The following ZNF215 variants were observed in gnomAD, a reference collection of about 807,000 sequenced individuals.
ZNF215 encodes BWSCR2-associated zinc finger protein 2.
Under a neutral mutation model 27.2 loss-of-function variants are expected in ZNF215, and 24 were observed. The observed-to-expected ratio is 0.88, with a 90% CI of 0.64 to 1.24. The LOEUF (loss-of-function observed/expected upper bound fraction) is 1.24. Among genes scored for constraint, ZNF215 ranks in the 50% most tolerant of loss-of-function variants. The pLI is 0.00. For synonymous variants in ZNF215, 210 were observed against 204.0 expected (o/e 1.03, Z -0.25); for missense variants, 675 against 605.7 (o/e 1.11, Z -1.20).
At chr11:6,939,665 T>C (rs547440830) in intron 3 of ZNF215, among the ~76,000 whole-genome samples, 2 of 152,106 alleles carry the variant, frequency 1.3e-5, no homozygotes, top group Non-Finnish European at 1.5e-5. Flanking sequence ...AGAATGTATA[T>C]AGATTTTTCT....
downstream of ZNF215, among the ~76,000 whole-genome samples, chr11:6,989,946 A>T (rs1040461400): frequency 6.6e-6 from 1 of 152,222 alleles, no homozygotes. Flanking sequence ...ACTGCATGTC[A>T]TAACCCAGGA....
At chr11:6,988,387 C>A, downstream of ZNF215, 1 of 368,284 alleles carries the variant, frequency 2.7e-6, no homozygotes. Flanking sequence ...CTGTGATCAG[C>A]CTCCTTTACT....
At chr11:6,986,312 A>G (rs1455734576), downstream of ZNF215, among the ~76,000 whole-genome samples, 2 of 152,198 alleles carry the variant, frequency 1.3e-5, no homozygotes, top group Non-Finnish European at 2.9e-5. Context: ...ATGCTGGGAT[A>G]ACTGGCTAGT....
chr11:6,984,062 G>A, intron 5 of ZNF215: 1 of 380,884 alleles, frequency 2.6e-6, no homozygotes, highest in Non-Finnish European at 5.0e-6. Context: ...ATCTTTGGGG[G>A]TATGAAGTGG....
chr11:6,980,082 A>G (rs889461468), intron 5 of ZNF215, among the ~76,000 whole-genome samples: 1 of 152,130 alleles, frequency 6.6e-6, no homozygotes, highest in African/African-American at 2.4e-5. Context: ...GTTCAGGATC[A>G]TATTATTTTG....
chr11:6,975,265 T>C (rs1283813561), intron 5 of ZNF215, among the ~76,000 whole-genome samples: 1 of 151,784 alleles, frequency 6.6e-6, no homozygotes, highest in Non-Finnish European at 1.5e-5. Context: ...TTTTTGTGGG[T>C]ACATAGTAGG....
chr11:6,935,446 G>T (rs1195069306), intron 3 of ZNF215, among the ~76,000 whole-genome samples: 1 of 152,152 alleles, frequency 6.6e-6, no homozygotes, highest in South Asian at 2.1e-4. Context: ...GGTATCACAA[G>T]CTGACCAGTA....
At chr11:6,953,390 G>T (rs920845367) in intron 6 of ZNF215, among the ~76,000 whole-genome samples, 1 of 152,160 alleles carries the variant, frequency 6.6e-6, no homozygotes, top group African/African-American at 2.4e-5. Context: ...CGTAGATTTG[G>T]TCTCTTCACA....
At position 6,940,711 on chromosome 11, in the gene ZNF215, T is replaced by C. The variant is rs182230065; in HGVS notation, c.401-860T>C. Among the ~76,000 whole-genome samples, 524 of 152,306 alleles carry C rather than the reference T, an allele frequency of 3.4e-3. 4 individuals are homozygous for C. The highest frequency in any genetic ancestry group is 3.1e-3 in the Non-Finnish European group (208 of 68,020). ...CTGATTATGATGTAACTGCATGGTTTTAAGATTTTTGGGGGGTTTCAAAGC... is the reference window on the plus strand; with the variant it reads ...CTGATTATGATGTAACTGCATGGTTCTAAGATTTTTGGGGGGTTTCAAAGC... On this transcript the variant is annotated intron_variant, in intron 3 of 6. Transcript: ENST00000278319.
intron 6 of ZNF215, among the ~76,000 whole-genome samples, chr11:6,952,561 A>G (rs1850118894): frequency 2.6e-5 from 4 of 151,566 alleles, no homozygotes; most frequent in East Asian, 1.9e-4. Flanking sequence ...TGCAACCCCT[A>G]CCTTTTTTTG....
downstream of ZNF215, among the ~76,000 whole-genome samples, chr11:6,990,296 A>C (rs1244288259): frequency 6.6e-6 from 1 of 152,226 alleles, no homozygotes; most frequent in East Asian, 1.9e-4. Flanking sequence ...GATAGCCTTA[A>C]CAATGGTGAA....
At chr11:6,950,877 A>C (rs1400642898) in intron 6 of ZNF215, among the ~76,000 whole-genome samples, 1 of 151,288 alleles carries the variant, frequency 6.6e-6, no homozygotes, top group African/African-American at 2.4e-5. Context: ...GTTTGTCATA[A>C]ATAGCTCTTA....
chr11:6,930,355 T>C (rs989631859), intron 2 of ZNF215, among the ~76,000 whole-genome samples: 1 of 152,202 alleles, frequency 6.6e-6, no homozygotes, highest in Non-Finnish European at 1.5e-5. Flanking sequence ...TATATACATA[T>C]CTGTAAATAT....
intron 3 of ZNF215, among the ~76,000 whole-genome samples, chr11:6,933,794 C>CA (rs55667332): frequency 0.018 from 1,543 of 87,756 alleles, 57 homozygotes; most frequent in African/African-American, 0.059. Context: ...GACTCCATCT[C>CA]AAAAAAAAAA....
intron 5 of ZNF215, 129 bp downstream of exon 5, chr11:6,943,344 A>C: frequency 2.9e-6 from 4 of 1,387,864 alleles, no homozygotes; most frequent in Non-Finnish European, 3.9e-6. Context: ...TCCTTTGGAC[A>C]CAGTAGCAGA....
intron 6 of ZNF215, among the ~76,000 whole-genome samples, chr11:6,950,266 A>G (rs1448019633): frequency 6.8e-6 from 1 of 147,782 alleles, no homozygotes; most frequent in Non-Finnish European, 1.5e-5. Flanking sequence ...CAATTCTGTG[A>G]AGAAAGTCAT....
At chr11:6,961,549 C>G (rs1490786262), downstream of ZNF215, among the ~76,000 whole-genome samples, 3 of 152,146 alleles carry the variant, frequency 2.0e-5, no homozygotes, top group African/African-American at 4.8e-5. Context: ...CCTTCACTGT[C>G]ACCAGGATAT....
intron 6 of ZNF215, 134 bp from the exon 7 acceptor site, chr11:6,955,556 T>C: frequency 6.5e-6 from 6 of 918,460 alleles, no homozygotes; most frequent in Non-Finnish European, 8.9e-6. Flanking sequence ...TAAGTATTTT[T>C]TTCTAACCTT....
intron 6 of ZNF215, among the ~76,000 whole-genome samples, chr11:6,945,878 G>C (rs771349146): frequency 1.3e-5 from 2 of 152,134 alleles, no homozygotes; most frequent in African/African-American, 4.8e-5. Context: ...CCTTGGATCA[G>C]ACTTTTTCTC....
Sources: gnomAD v4.1 joint callset for allele counts (sites outside exome capture counted in the v4.1 genomes callset) on GRCh38, gnomAD v4.1.1 for gene constraint, MANE v1.5 for transcripts, NCBI Gene and HGNC (gene_info 2026-07-23, HGNC 2026-07-21) for gene names.